CHFR: variants seen among roughly 807,000 people sequenced by gnomAD.
CHFR encodes the protein E3 ubiquitin-protein ligase CHFR.
A neutral mutation model predicts 87.6 loss-of-function variants in CHFR; 57 were observed. The observed-to-expected ratio is 0.65, with a 90% confidence interval of 0.53 to 0.81. The LOEUF is 0.81. Ranked by LOEUF, CHFR falls within the 30% of genes least tolerant of loss-of-function variation. The pLI, the probability that CHFR is intolerant of heterozygous loss-of-function variation, is 0.00. For synonymous variants in CHFR, 381 were observed against 359.2 expected, an observed-to-expected ratio of 1.06 and a Z score of -0.69; for missense variants, 797 against 865.8, an observed-to-expected ratio of 0.92 and a Z score of 1.00.
At chr12:132,848,219 C>G (rs772849776) in intron 13 of CHFR, 64 bp from the exon 14 acceptor site, 4 of 1,611,404 alleles carry the variant, frequency 2.5e-6, no homozygotes, top group Non-Finnish European at 3.4e-6. Context: ...ACTGTCTGCC[C>G]GACACTGAGG....
At chr12:132,866,613 A>C (rs548271006) in intron 6 of CHFR, 1 of 151,464 alleles carries the variant, frequency 6.6e-6, no homozygotes, top group South Asian at 2.1e-4. Flanking sequence ...CACACCAGAA[A>C]GTTACAACAC....
At position 132,857,568 on chromosome 12, in the gene CHFR, G is replaced by A. The variant is rs1951110870; in HGVS notation, c.912-9C>T. On this transcript the variant is annotated splice_polypyrimidine_tract_variant and intron_variant, in intron 8 of 17. Transcript: ENST00000450056. Reference sequence around the variant, plus strand: ...GCATGCAGGGCTGCAAACTGAAAGTGCAAGAGGAACAGTGTCCAGACAGTC... The same window carrying A: ...GCATGCAGGGCTGCAAACTGAAAGTACAAGAGGAACAGTGTCCAGACAGTC... 6.2e-7 allele frequency: 1 copy of A among 1,613,110 alleles called. No individual in the cohort carries two copies. The highest frequency in any genetic ancestry group is 8.5e-7 in the Non-Finnish European group (1 of 1,179,622).
chr12:132,856,812 C>T, intron 9 of CHFR, 182 bp from the exon 10 acceptor site: 1 of 739,592 alleles, frequency 1.4e-6, no homozygotes, highest in South Asian at 1.5e-5. Context: ...GGTGTGGATG[C>T]CCTCACGTGC....
intron 6 of CHFR, among the ~76,000 whole-genome samples, chr12:132,868,673 C>G (rs887783786): frequency 1.3e-5 from 2 of 152,238 alleles, no homozygotes; most frequent in Non-Finnish European, 2.9e-5. Context: ...GAGCGAGACT[C>G]CGTCTCAACA....
At chr12:132,841,683 C>T in intron 17 of CHFR, 87 bp from the exon 18 acceptor site, 6 of 1,050,206 alleles carry the variant, frequency 5.7e-6, no homozygotes, top group Non-Finnish European at 9.0e-6. Flanking sequence ...GAAAGGCATT[C>T]AAATAAACGC....
At chr12:132,841,960 A>T (rs1405996317) in intron 17 of CHFR, among the ~76,000 whole-genome samples, 1 of 152,060 alleles carries the variant, frequency 6.6e-6, no homozygotes, top group Non-Finnish European at 1.5e-5. Context: ...TATTTAAAAA[A>T]TTAGCCTGAT....
chr12:132,865,653 C>CTTTTTTTT (rs57560560), intron 6 of CHFR, among the ~76,000 whole-genome samples: 4 of 58,230 alleles, frequency 6.9e-5, no homozygotes, highest in African/African-American at 6.7e-5. Context: ...GATTACAGGT[C>CTTTTTTTT]TTTTTTTTTT....
At chr12:132,848,911 A>T (rs1950882185) in intron 12 of CHFR, 187 bp from the exon 13 acceptor site, 1 of 544,954 alleles carries the variant, frequency 1.8e-6, no homozygotes, top group Admixed American at 3.3e-5. Context: ...GATGGCGAGG[A>T]GTTGTATCCC....
chr12:132,848,858 G>A (rs1048209746), intron 12 of CHFR, 134 bp from the exon 13 acceptor site: 10 of 662,770 alleles, frequency 1.5e-5, no homozygotes, highest in South Asian at 4.1e-5. Flanking sequence ...AAATCGGGGC[G>A]GGGCCACATC....
intron 2 of CHFR, 106 bp from the exon 3 acceptor site, chr12:132,877,760 T>C (rs992015442): frequency 8.6e-6 from 5 of 579,224 alleles, no homozygotes; most frequent in Non-Finnish European, 1.4e-5. Context: ...ATCCCCATTG[T>C]ACATATGTAA....
intron 4 of CHFR, 98 bp from the exon 5 acceptor site, chr12:132,870,881 T>C: frequency 1.5e-6 from 1 of 689,642 alleles, no homozygotes; most frequent in South Asian, 1.8e-5. Context: ...TTTTTGTTGA[T>C]TATTTTGACT....
intron 2 of CHFR, among the ~76,000 whole-genome samples, chr12:132,879,290 T>C (rs1464235546): frequency 6.6e-6 from 1 of 151,140 alleles, no homozygotes; most frequent in Non-Finnish European, 1.5e-5. Context: ...CCACCGCACC[T>C]GGCCTGCGAT....
At chr12:132,848,399 C>A (rs1250077132) in intron 13 of CHFR, 3 of 751,526 alleles carry the variant, frequency 4.0e-6, no homozygotes, top group Admixed American at 2.2e-5. Context: ...AACAGCAGAA[C>A]CCCGCTGCAA....
In CHFR at chr12:132,840,925, T is replaced by C. The variant is rs1374414628; in HGVS notation, c.*629A>G. 6.6e-6 allele frequency: 1 copy of C among 152,548 alleles called. No homozygotes were observed. The highest frequency in any genetic ancestry group is 6.5e-5 in the Admixed American group (1 of 15,280). The allele number at this position is 152,548 out of a possible 1,614,324, so 9.4% of individuals were successfully genotyped here. On this transcript the variant is annotated 3_prime_UTR_variant, in exon 18 of 18. Coordinates refer to ENST00000450056, the MANE Select transcript of CHFR (RefSeq NM_001161346.2). Reference sequence around the variant, plus strand: ...TTGGACATTGGAAGGTTTCTTTTTTTAATAAACAGAAGCATATGCTTATTC... The same window carrying C: ...TTGGACATTGGAAGGTTTCTTTTTTCAATAAACAGAAGCATATGCTTATTC...
chr12:132,847,053 A>C lies in CHFR; in HGVS notation c.1725T>G (p.Phe575Leu). Residue 575 changes from phenylalanine to leucine, a missense_variant, in exon 15 of 18, where the codon TTT (phenylalanine) becomes TTG (leucine). Phe to Leu is a conservative substitution (Grantham distance 22). Around this residue, in one of 2 missense-constraint regions of CHFR, gnomAD observed 200 missense variants for 264.6 expected, o/e 0.76. Coordinates refer to ENST00000450056, the MANE Select transcript of CHFR (RefSeq NM_001161346.2). Reference protein sequence around the residue: ...ESLVALQRGVFLLSDYRVTGD... With the variant: ...ESLVALQRGVLLLSDYRVTGD... ...AACAGAAGAACTCACCAGACAGCAG[A>C]AACACTCCCCGCTGGAGAGCCACGA... 1 of 1,612,852 alleles carries C rather than the reference A, an allele frequency of 6.2e-7. No homozygotes were observed. Among genetic ancestry groups the C allele is most frequent in the Non-Finnish European group, 8.5e-7 (1 of 1,179,076 alleles).
intron 3 of CHFR, 22 bp from the exon 4 acceptor site, chr12:132,872,416 A>G (rs957141414): frequency 6.5e-7 from 1 of 1,545,316 alleles, no homozygotes; most frequent in Non-Finnish European, 8.9e-7. Context: ...CAAAAACACA[A>G]TTTATTCTAC....
chr12:132,872,823 A>G (rs1407397143), intron 3 of CHFR, among the ~76,000 whole-genome samples: 5 of 152,140 alleles, frequency 3.3e-5, no homozygotes, highest in Non-Finnish European at 4.4e-5. Context: ...ATCCCTCCCA[A>G]GAGACTGGCT....
At position 132,837,862 on chromosome 12, in the gene CHFR, G is replaced by C. The variant is rs960607826; in HGVS notation, c.*3692C>G. 2.6e-5 allele frequency: 4 copies of C among 152,394 alleles called. No individual in the cohort carries two copies. The highest frequency in any genetic ancestry group is 4.4e-5 in the Non-Finnish European group (3 of 68,130). 9.4% of individuals were successfully genotyped at this position (152,394 alleles called of 1,614,324 possible). A position where few individuals can be genotyped will look rare whatever the true frequency, so the allele number is the denominator to read the frequency against. On this transcript the variant is annotated 3_prime_UTR_variant, in exon 18 of 18. Coordinates refer to ENST00000450056, the MANE Select transcript of CHFR (RefSeq NM_001161346.2). ...CCACGTGGAGGCAGAGGGCGGGCAC[G>C]GCCGCGGGGACAGCGTTCTGGTTTC...
At position 132,861,507 on chromosome 12, in the gene CHFR, A is replaced by T; in HGVS notation, c.711T>A (p.Asp237Glu). The T allele has an allele frequency of 1.2e-6, 2 of 1,614,190 alleles. No individual in the cohort carries two copies. The highest frequency in any genetic ancestry group is 1.7e-5 in the Admixed American group (1 of 60,016). Reference sequence around the variant, plus strand: ...TCTTCACGGGCTCCAAATCCTCCTGATCCTGGGGTTCCAACGACGAAAAGG... The same window carrying T: ...TCTTCACGGGCTCCAAATCCTCCTGTTCCTGGGGTTCCAACGACGAAAAGG... The part of the protein sequence containing the change: ...TASFSSLEPQ[D>E]QEDLEPVKKK... The change falls in exon 7 of 18, where the codon GAT becomes GAA. Residue 237 changes from aspartate to glutamate, a missense_variant. Around this residue, in one of 2 missense-constraint regions of CHFR, gnomAD observed 597 missense variants for 601.2 expected, o/e 0.99. Coordinates refer to ENST00000450056, the MANE Select transcript of CHFR (RefSeq NM_001161346.2).
Sources: allele counts gnomAD v4.1 joint callset (sites outside exome capture counted in the v4.1 genomes callset), GRCh38; gene constraint gnomAD v4.1.1; regional missense constraint gnomAD v4.1.1; transcripts MANE v1.5; gene names NCBI Gene and HGNC (gene_info 2026-07-23, HGNC 2026-07-21).